GALNT8: variants seen among roughly 807,000 people sequenced by gnomAD.
GALNT8 encodes polypeptide N-acetylgalactosaminyltransferase 8.
GALNT8 carries 66 observed loss-of-function variants against 62.7 expected under a neutral mutation model. The observed-to-expected ratio is 1.05, with a 90% CI of 0.86 to 1.29. The LOEUF (loss-of-function observed/expected upper bound fraction) is 1.29, where lower values mean the gene tolerates loss of function less well. Among genes scored for constraint, GALNT8 ranks in the 50% most tolerant of loss-of-function variants. The probability of loss-of-function intolerance (pLI) is 0.00; values close to 1 mark genes in which losing one functional copy is unlikely to be tolerated. For synonymous variants in GALNT8, 288 were observed against 294.3 expected (o/e 0.98, Z 0.22); for missense variants, 771 against 791.8 (o/e 0.97, Z 0.32).
At chr12:4,761,429 G>T (rs1293814417) in intron 7 of GALNT8, among the ~76,000 whole-genome samples, 1 of 152,076 alleles carries the variant, frequency 6.6e-6, no homozygotes, top group Non-Finnish European at 1.5e-5. Context: ...CAGAGAGTTG[G>T]AAGAAACTTG....
chr12:4,750,610 A>T (rs1465746667), intron 6 of GALNT8, among the ~76,000 whole-genome samples: 2 of 152,106 alleles, frequency 1.3e-5, no homozygotes, highest in Non-Finnish European at 2.9e-5. Flanking sequence ...ATTTAGGTTG[A>T]TTTCATGTCT....
At position 4,746,198 on chromosome 12, in the gene GALNT8, C is replaced by T. The variant is rs771359204; in HGVS notation, c.1113C>T (p.Ile371=). 4.3e-6 allele frequency: 7 copies of T among 1,613,400 alleles called. No homozygotes were observed. The highest frequency in any genetic ancestry group is 1.7e-4 in the Middle Eastern group (1 of 6,058). The change falls in exon 6 of 11, where the codon ATC becomes ATT. Residue 371 remains isoleucine, a synonymous_variant. Coordinates refer to ENST00000252318, the MANE Select transcript of GALNT8 (RefSeq NM_017417.2). The stretch of plus-strand genomic sequence containing the variant: ...CTAACAGGCACTTCCTGGGAGAGAT[C>T]GGGTCTCTGGATGGTGGAATGCTCA... ...LAANRHFLGE[I]GSLDGGMLIY...
chr12:4,736,580 A>G (rs1469290320), intron 2 of GALNT8, among the ~76,000 whole-genome samples: 1 of 152,024 alleles, frequency 6.6e-6, no homozygotes, highest in African/African-American at 2.4e-5. Context: ...AAAAGAGAAA[A>G]ACAAGAAGAG....
intron 9 of GALNT8, 91 bp from the exon 10 acceptor site, chr12:4,765,288 T>C: frequency 7.9e-7 from 1 of 1,270,396 alleles, no homozygotes; most frequent in Non-Finnish European, 1.1e-6. Context: ...CCAAGATCAT[T>C]CTTCCTGCTG....
At chr12:4,762,313 AC>A (rs1946376857) in intron 7 of GALNT8, among the ~76,000 whole-genome samples, 1 of 152,252 alleles carries the variant, frequency 6.6e-6, no homozygotes, top group African/African-American at 2.4e-5. Context: ...CTAAATTTTT[AC>A]ATGGGATGAT....
chr12:4,751,204 G>C (rs966054863), intron 6 of GALNT8, among the ~76,000 whole-genome samples: 14 of 152,286 alleles, frequency 9.2e-5, no homozygotes, highest in African/African-American at 3.1e-4. Context: ...TACCATTCAG[G>C]ACATAGGGAC....
At chr12:4,745,321 G>A in intron 4 of GALNT8, 108 bp from the exon 5 acceptor site, 5 of 724,966 alleles carry the variant, frequency 6.9e-6, no homozygotes, top group Non-Finnish European at 1.2e-5. Context: ...CAGCCTAAAT[G>A]GAGGAGGTAC....
intron 5 of GALNT8, 62 bp downstream of exon 5, chr12:4,745,688 G>T: frequency 7.8e-7 from 1 of 1,274,760 alleles, no homozygotes; most frequent in Non-Finnish European, 1.1e-6. Flanking sequence ...TGAACTGAAT[G>T]GATTTTGTTT....
chr12:4,743,421 G>T (rs537682716), intron 3 of GALNT8, among the ~76,000 whole-genome samples: 1 of 152,310 alleles, frequency 6.6e-6, no homozygotes, highest in South Asian at 2.1e-4. Context: ...GATCTAAAAT[G>T]GGGTAAATTT....
In GALNT8 at chr12:4,765,449, G is replaced by A. The variant is rs756053265; in HGVS notation, c.1664G>A (p.Arg555His). ...ATTGCAGAGGCCAGTGCTAGTGATCGCTGCCTGACAGACCCTGGCAAGGCG... is the reference window on the plus strand; with the variant it reads ...ATTGCAGAGGCCAGTGCTAGTGATCACTGCCTGACAGACCCTGGCAAGGCG... ...QLIAEASASD[R>H]CLTDPGKAEK... Residue 555 changes from arginine to histidine, a missense_variant, in exon 10 of 11, where the codon CGC becomes CAC. Physicochemically the swap from Arg to His is conservative, Grantham distance 29 (BLOSUM62 0). Transcript: ENST00000252318. 4 of 1,609,522 alleles carry A rather than the reference G, an allele frequency of 2.5e-6. No individual in the cohort carries two copies. The highest frequency in any genetic ancestry group is 2.2e-5 in the East Asian group (1 of 44,728).
chr12:4,747,356 C>T (rs1278664871), intron 6 of GALNT8, among the ~76,000 whole-genome samples: 1 of 152,056 alleles, frequency 6.6e-6, no homozygotes, highest in South Asian at 2.1e-4. Flanking sequence ...ACCCATTAAC[C>T]ATCCCCTCTC....
At chr12:4,751,702 T>C (rs967954323) in intron 6 of GALNT8, among the ~76,000 whole-genome samples, 2 of 152,188 alleles carry the variant, frequency 1.3e-5, no homozygotes, top group Admixed American at 6.5e-5. Flanking sequence ...GAATGATCCA[T>C]GTGCTGAGGA....
At chr12:4,721,262 G>C (rs1462515661) in intron 1 of GALNT8, among the ~76,000 whole-genome samples, 1 of 152,080 alleles carries the variant, frequency 6.6e-6, no homozygotes, top group Non-Finnish European at 1.5e-5. Context: ...CACACCTGTG[G>C]GTGTTTCTCG....
intron 7 of GALNT8, among the ~76,000 whole-genome samples, chr12:4,762,643 GC>G (rs1946378150): frequency 6.6e-6 from 1 of 152,204 alleles, no homozygotes; most frequent in South Asian, 2.1e-4. Flanking sequence ...ATTTGAAAGA[GC>G]AGAATTTTCT....
At chr12:4,725,008 G>GA (rs1444835045) in intron 1 of GALNT8, among the ~76,000 whole-genome samples, 3 of 151,990 alleles carry the variant, frequency 2.0e-5, no homozygotes. Flanking sequence ...CAATCATTCA[G>GA]AAAAAAAGGA....
In GALNT8 at chr12:4,726,229, C is replaced by CATTA. The variant is rs1946194805; in HGVS notation, c.212-302_212-299dup. ...GGTTCTCAGGCCTCATTCTGAAAAA[C>CATTA]ATTAGCTTATTTTCCATCTGTTTCT... On this transcript the variant is annotated intron_variant, in intron 1 of 10. Coordinates refer to ENST00000252318, the MANE Select transcript of GALNT8 (RefSeq NM_017417.2). This position sits in a 1 kb window ranked among gnomAD's most constrained non-coding sequence, Gnocchi z 4.1. 6.6e-6 allele frequency among the ~76,000 whole-genome samples: 1 copy of CATTA among 151,986 alleles called. No individual in the cohort carries two copies. Among genetic ancestry groups the CATTA allele is most frequent in the Non-Finnish European group, 1.5e-5 (1 of 68,014 alleles).
At chr12:4,767,240 C>T (rs2137545861) in intron 10 of GALNT8, among the ~76,000 whole-genome samples, 1 of 152,192 alleles carries the variant, frequency 6.6e-6, no homozygotes, top group East Asian at 1.9e-4. Flanking sequence ...CTTTTGTAGC[C>T]CTGGTCTCAC....
chr12:4,745,521 A>G lies in GALNT8; in HGVS notation c.953A>G (p.Asp318Gly), dbSNP rs368307712. The G allele has an allele frequency of 2.5e-6, 4 of 1,611,056 alleles. No homozygotes were observed. Among genetic ancestry groups the G allele is most frequent in the Non-Finnish European group, 3.4e-6 (4 of 1,177,174 alleles). The change falls in exon 5 of 11, where the codon GAT becomes GGT. Residue 318 changes from aspartate to glycine, a missense_variant. Transcript: ENST00000252318. ...DNIRFDTFKL[D>G]KYELAVDGFN... Reference sequence around the variant, plus strand: ...ATTCGTTTTGACACCTTCAAACTGGATAAGTATGAACTGGCAGTTGATGGG... The same window carrying G: ...ATTCGTTTTGACACCTTCAAACTGGGTAAGTATGAACTGGCAGTTGATGGG...
Position 4,749,761 on chromosome 12 carries a change from G to A in GALNT8, c.1173+3503G>A, listed in dbSNP as rs1011555998. Among the ~76,000 whole-genome samples the A allele has an allele frequency of 2.6e-5, 4 of 151,740 alleles. No individual in the cohort carries two copies. Among genetic ancestry groups the A allele is most frequent in the African/African-American group, 7.3e-5 (3 of 41,314 alleles). ...GGTACTAGTTTTTCTTTAAATATTC[G>A]GTAGAAATCAACAGTGAAACCACTG... is the stretch of plus-strand genomic sequence containing the variant. On this transcript the variant is annotated intron_variant, in intron 6 of 10. Coordinates refer to ENST00000252318, the MANE Select transcript of GALNT8 (RefSeq NM_017417.2). This position sits in a 1 kb window ranked among gnomAD's most constrained non-coding sequence, Gnocchi z 4.1.
Sources: allele counts gnomAD v4.1 joint callset (sites outside exome capture counted in the v4.1 genomes callset), GRCh38; gene constraint gnomAD v4.1.1; non-coding constraint Gnocchi (gnomAD v3.1); transcripts MANE v1.5; gene names NCBI Gene and HGNC (gene_info 2026-07-23, HGNC 2026-07-21).